Variants in WLS observed in about 807,000 individuals in gnomAD.
The protein encoded by WLS is protein wntless homolog.
Under a neutral mutation model 62.8 loss-of-function variants are expected in WLS, and 23 were observed. The ratio of observed to expected loss-of-function variants is 0.37; its 90% CI spans 0.26 to 0.52. WLS has a LOEUF of 0.52. WLS is among the 20% of genes least tolerant of loss of function. WLS has a pLI of 0.92. For missense variants in WLS, 615 were observed against 697.3 expected (o/e 0.88, Z 1.33); for synonymous variants, 246 against 244.1 (o/e 1.01, Z -0.07).
chr1:68,173,868 A>C (rs1290711685), intron 2 of WLS, among the ~76,000 whole-genome samples: 3 of 152,144 alleles, frequency 2.0e-5, no homozygotes, highest in Non-Finnish European at 4.4e-5. Flanking sequence ...ACGTTTTTCT[A>C]GGCAAGATAA....
At chr1:68,124,252 T>G (rs10889748), downstream of WLS, among the ~76,000 whole-genome samples, 94,179 of 151,490 alleles carry the variant, frequency 0.62, 29,943 homozygotes, top group Middle Eastern at 0.72. Flanking sequence ...GTGATCATTC[T>G]GATCGTATCA....
intron 2 of WLS, chr1:68,162,761 C>T (rs550535122): frequency 1.3e-5 from 14 of 1,104,180 alleles, no homozygotes; most frequent in African/African-American, 1.5e-5. Context: ...TTGATGTCCA[C>T]GTTATCGTAG....
chr1:68,163,148 A>C, intron 2 of WLS: 1 of 1,187,324 alleles, frequency 8.4e-7, no homozygotes, highest in Non-Finnish European at 1.2e-6. Context: ...CTAAGAACTT[A>C]GGGGAACTCG....
chr1:68,220,732 T>A (rs895377345), intron 1 of WLS, among the ~76,000 whole-genome samples: 3 of 152,222 alleles, frequency 2.0e-5, no homozygotes, highest in Non-Finnish European at 2.9e-5. Context: ...AAGAATCCTG[T>A]AAGAAGCCCA....
At chr1:68,101,592 C>T (rs561551470) in intron 11 of WLS, among the ~76,000 whole-genome samples, 11 of 152,228 alleles carry the variant, frequency 7.2e-5, no homozygotes, top group Non-Finnish European at 1.2e-4. Context: ...TCTTCTCTCT[C>T]TGACCCTTAA....
chr1:68,146,991 T>G (rs993113325), intron 8 of WLS, among the ~76,000 whole-genome samples: 1 of 152,150 alleles, frequency 6.6e-6, no homozygotes, highest in Admixed American at 6.5e-5. Flanking sequence ...GTTCAAGCGA[T>G]TCTCCTGCCT....
At chr1:68,110,768 C>T (rs188201283) in intron 11 of WLS, among the ~76,000 whole-genome samples, 36 of 150,556 alleles carry the variant, frequency 2.4e-4, no homozygotes, top group Middle Eastern at 6.8e-3. Flanking sequence ...TATATTTGCT[C>T]GATAAAGGAT....
chr1:68,106,741 TGTGTGTGTGTATGTGTGG>T (rs1646150712), intron 11 of WLS, among the ~76,000 whole-genome samples: 1 of 149,968 alleles, frequency 6.7e-6, no homozygotes, highest in East Asian at 1.9e-4. Flanking sequence ...TGTGTGTGTG[TGTGTGTGTGTATGTGTGG>T]GTAGGTGGGT....
intron 1 of WLS, among the ~76,000 whole-genome samples, chr1:68,205,552 A>G (rs2100636746): frequency 6.6e-6 from 1 of 152,318 alleles, no homozygotes; most frequent in Admixed American, 6.5e-5. Context: ...TGAGGGTTTT[A>G]AGGCCTAAAT....
At chr1:68,143,037 T>C (rs1488812725) in intron 10 of WLS, among the ~76,000 whole-genome samples, 1 of 152,198 alleles carries the variant, frequency 6.6e-6, no homozygotes, top group Non-Finnish European at 1.5e-5. Flanking sequence ...AATATACCTG[T>C]AGCATCTGTT....
intron 1 of WLS, among the ~76,000 whole-genome samples, chr1:68,220,087 A>T (rs1365058202): frequency 6.6e-6 from 1 of 152,252 alleles, no homozygotes; most frequent in Non-Finnish European, 1.5e-5. Flanking sequence ...ACAAACATTT[A>T]GATTCAAATT....
rs557668888 is a variant in WLS at position 68,139,358 on chromosome 1, T to G, written c.1363-1425A>C. ...TCTTTAAGTGCAGAATATACTAACT[T>G]TATAAAAACTATATTACTTAGAGCA... On this transcript the variant is annotated intron_variant, in intron 10 of 11. Transcript: ENST00000262348. Among the ~76,000 whole-genome samples the G allele has an allele frequency of 3.3e-5, 5 of 152,304 alleles. No individual in the cohort carries two copies. The South Asian group carries it at 8.3e-4, about 25-fold the overall frequency.
At chr1:68,129,639 T>C (rs918228830) in intron 11 of WLS, among the ~76,000 whole-genome samples, 10 of 152,166 alleles carry the variant, frequency 6.6e-5, no homozygotes, top group African/African-American at 2.4e-4. Flanking sequence ...TGTTCCCCCT[T>C]GGGGAATGGG....
rs889603716 is a variant in WLS at position 68,210,198 on chromosome 1, G to A, written c.107-15971C>T. On this transcript the variant is annotated intron_variant, in intron 1 of 11. Transcript: ENST00000262348. ...CTTTAAGTAGAAACAACAAACAGTA[G>A]CTGGTTGCCATGGTAGCAGAGGTAA... Among the ~76,000 whole-genome samples the A allele has an allele frequency of 2.0e-5, 3 of 152,220 alleles. No homozygotes were observed. The South Asian group carries it at 6.2e-4, about 31-fold the overall frequency.
chr1:68,164,709 A>C (rs776311503), intron 2 of WLS, among the ~76,000 whole-genome samples: 2 of 152,230 alleles, frequency 1.3e-5, no homozygotes, highest in Admixed American at 1.3e-4. Flanking sequence ...CAGGGGTTGC[A>C]GAAGGCAGAA....
chr1:68,113,220 G>T (rs1265143569), intron 11 of WLS, among the ~76,000 whole-genome samples: 1 of 152,216 alleles, frequency 6.6e-6, no homozygotes, highest in Admixed American at 6.5e-5. Context: ...ATAGGTGGAG[G>T]CCTTATAGAT....
chr1:68,229,157 A>C (rs1405978316), intron 1 of WLS, among the ~76,000 whole-genome samples: 1 of 151,994 alleles, frequency 6.6e-6, no homozygotes, highest in Non-Finnish European at 1.5e-5. Context: ...CTGCTAGTTA[A>C]CTCACTTGCC....
At chr1:68,167,745 T>C (rs1216902579) in intron 2 of WLS, among the ~76,000 whole-genome samples, 1 of 152,152 alleles carries the variant, frequency 6.6e-6, no homozygotes, top group Non-Finnish European at 1.5e-5. Flanking sequence ...AAGCTTCACA[T>C]TTCTCAAATA....
chr1:68,173,955 CA>C (rs1181821013), intron 2 of WLS, among the ~76,000 whole-genome samples: 1 of 152,112 alleles, frequency 6.6e-6, no homozygotes, highest in African/African-American at 2.4e-5. Context: ...AAAAGTTATC[CA>C]GGAAATAAAC....
Sources: allele counts gnomAD v4.1 joint callset (sites outside exome capture counted in the v4.1 genomes callset), GRCh38; gene constraint gnomAD v4.1.1; transcripts MANE v1.5; gene names NCBI Gene and HGNC (gene_info 2026-07-23, HGNC 2026-07-21).